Variants in ZNF519 observed in about 807,000 individuals in gnomAD.
ZNF519 encodes similar to Zinc finger protein 85 (Zinc finger protein HPF4) (HTF1).
In ZNF519, 7 loss-of-function variants were observed where a neutral mutation model predicts 7.4. The ratio of observed to expected loss-of-function variants is 0.94; its 90% CI spans 0.54 to 1.77. ZNF519 has a LOEUF of 1.77. Among genes scored for constraint, ZNF519 ranks in the 40% most tolerant of loss-of-function variants. ZNF519 has a pLI of 0.00. For synonymous variants in ZNF519, 179 were observed against 203.3 expected (o/e 0.88, Z 1.02); for missense variants, 586 against 623.1 (o/e 0.94, Z 0.63).
chr18:14,116,833 C>T (rs2046248236), intron 2 of ZNF519, among the ~76,000 whole-genome samples: 1 of 151,934 alleles, frequency 6.6e-6, no homozygotes, highest in African/African-American at 2.4e-5. Flanking sequence ...AGGGTGAAAC[C>T]CTGTCTCTAC....
intron 2 of ZNF519, 104 bp downstream of exon 2, chr18:14,124,246 G>T: frequency 9.3e-7 from 1 of 1,077,584 alleles, no homozygotes; most frequent in Non-Finnish European, 1.3e-6. Flanking sequence ...GAAAAGAACT[G>T]AAATTAATTC....
chr18:14,113,874 T>G (rs916783424), intron 2 of ZNF519, among the ~76,000 whole-genome samples: 2 of 152,126 alleles, frequency 1.3e-5, no homozygotes, highest in Admixed American at 1.3e-4. Flanking sequence ...TCATTTTGAT[T>G]TGCATTTCTC....
chr18:14,080,770 A>T (rs2046067991), intron 3 of ZNF519, among the ~76,000 whole-genome samples: 1 of 152,212 alleles, frequency 6.6e-6, no homozygotes, highest in Non-Finnish European at 1.5e-5. Flanking sequence ...CAAAGCTTGG[A>T]AGCAGTCAAG....
rs1215774231 is a variant in ZNF519 at position 14,102,726 on chromosome 18, A to G, written c.*2191T>C. The G allele has an allele frequency of 2.0e-5, 3 of 152,152 alleles. No homozygotes were observed. Among genetic ancestry groups the G allele is most frequent in the Non-Finnish European group, 2.9e-5 (2 of 68,032 alleles). The allele number at this position is 152,152 out of a possible 1,614,324, so 9.4% of individuals were successfully genotyped here. On this transcript the variant is annotated 3_prime_UTR_variant, in exon 3 of 3. Coordinates refer to ENST00000590202, the MANE Select transcript of ZNF519 (RefSeq NM_145287.4). ...AAAACAACCTCACCTAAACTAATAT[A>G]CAACCAATTTTGTTAAGTTTAGCTT...
intron 3 of ZNF519, among the ~76,000 whole-genome samples, chr18:14,083,989 C>T (rs967033910): frequency 3.9e-5 from 6 of 152,148 alleles, no homozygotes; most frequent in African/African-American, 1.4e-4. Flanking sequence ...TGGGTATAGT[C>T]CTGCCCAGGA....
chr18:14,102,810 G>A lies in ZNF519; in HGVS notation c.*2107C>T, dbSNP rs2046168463. Reference sequence around the variant, plus strand: ...TATTTTAAAAATTCAATCCAAATTGGGGGAAAAAAGCTATATAGTGGTAAT... The same window carrying A: ...TATTTTAAAAATTCAATCCAAATTGAGGGAAAAAAGCTATATAGTGGTAAT... On this transcript the variant is annotated 3_prime_UTR_variant, in exon 3 of 3. Transcript: ENST00000590202. 6.6e-6 allele frequency: 1 copy of A among 151,638 alleles called. No individual in the cohort carries two copies. Among genetic ancestry groups the A allele is most frequent in the Non-Finnish European group, 1.5e-5 (1 of 67,930 alleles). The allele number at this position is 151,638 out of a possible 1,614,324, so 9.4% of individuals were successfully genotyped here. A position where few individuals can be genotyped will look rare whatever the true frequency, so the allele number is the denominator to read the frequency against.
At chr18:14,074,016 C>T (rs959650634), downstream of ZNF519, 1 of 152,184 alleles carries the variant, frequency 6.6e-6, no homozygotes, top group Non-Finnish European at 1.5e-5. Flanking sequence ...CTGCTCTGCT[C>T]ATTTGTGACT....
downstream of ZNF519, among the ~76,000 whole-genome samples, chr18:14,099,135 A>C (rs879390492): frequency 6.6e-6 from 1 of 150,724 alleles, no homozygotes. Flanking sequence ...AGGAAGCCTC[A>C]CCTCCCCTCT....
At chr18:14,110,061 A>C (rs1459389713) in intron 2 of ZNF519, among the ~76,000 whole-genome samples, 2 of 152,070 alleles carry the variant, frequency 1.3e-5, no homozygotes, top group Admixed American at 6.5e-5. Context: ...CTTAACTAAT[A>C]ATCAACAAGG....
rs2046172338 is a variant in ZNF519 at position 14,103,521 on chromosome 18, G to C, written c.*1396C>G. The C allele has an allele frequency of 6.6e-6, 1 of 152,044 alleles. No homozygotes were observed. Among genetic ancestry groups the C allele is most frequent in the Non-Finnish European group, 1.5e-5 (1 of 67,962 alleles). The allele number at this position is 152,044 out of a possible 1,614,324, so 9.4% of individuals were successfully genotyped here. On this transcript the variant is annotated 3_prime_UTR_variant, in exon 3 of 3. Transcript: ENST00000590202. ...GAAGTTATGACATATCGAAACATGA[G>C]ATGCAGCAAACTGTTCAGAGAAATT...
At chr18:14,114,214 C>T (rs185187650) in intron 2 of ZNF519, among the ~76,000 whole-genome samples, 7 of 152,246 alleles carry the variant, frequency 4.6e-5, no homozygotes, top group African/African-American at 1.4e-4. Flanking sequence ...ATCTTTACCC[C>T]ATTTAATTTC....
chr18:14,091,119 T>C (rs2046112775), intron 2 of ZNF519: 1 of 152,184 alleles, frequency 6.6e-6, no homozygotes, highest in Non-Finnish European at 1.5e-5. Context: ...ATGCTTAATA[T>C]ATTTATTTGG....
intron 1 of ZNF519, among the ~76,000 whole-genome samples, chr18:14,125,269 T>C (rs1348634342): frequency 6.6e-6 from 1 of 152,212 alleles, no homozygotes; most frequent in African/African-American, 2.4e-5. Context: ...AGGCAGGAGA[T>C]AATGGCAATG....
At chr18:14,095,430 C>T (rs914135245), downstream of ZNF519, among the ~76,000 whole-genome samples, 2 of 152,194 alleles carry the variant, frequency 1.3e-5, no homozygotes, top group African/African-American at 2.4e-5. Flanking sequence ...TGTTTGTGGC[C>T]GCTGCAGTCA....
At chr18:14,126,192 C>A (rs1365459899) in intron 1 of ZNF519, among the ~76,000 whole-genome samples, 1 of 152,082 alleles carries the variant, frequency 6.6e-6, no homozygotes, top group African/African-American at 2.4e-5. Context: ...GGTGGATCTG[C>A]GCAGGGTTGG....
chr18:14,085,879 T>G (rs2046088410), intron 2 of ZNF519, among the ~76,000 whole-genome samples: 1 of 152,212 alleles, frequency 6.6e-6, no homozygotes, highest in Non-Finnish European at 1.5e-5. Flanking sequence ...TCTCATGTTC[T>G]GACCTGCACC....
In ZNF519 at chr18:14,100,117, T is replaced by C. The variant is rs2046153271; in HGVS notation, c.*4800A>G. On this transcript the variant is annotated 3_prime_UTR_variant, in exon 3 of 3. Transcript: ENST00000590202. ...TGAGAACATTAAATAAAGTTCAACA[T>C]TATTATCCTTTAGAAAAATGTACAT... 1 of 152,146 alleles carries C rather than the reference T, an allele frequency of 6.6e-6. No homozygotes were observed. Among genetic ancestry groups the C allele is most frequent in the African/African-American group, 2.4e-5 (1 of 41,434 alleles). The allele number at this position is 152,146 out of a possible 1,614,324, so 9.4% of individuals were successfully genotyped here. A position where few individuals can be genotyped will look rare whatever the true frequency, so the allele number is the denominator to read the frequency against.
At chr18:14,117,175 G>GA (rs912388531) in intron 2 of ZNF519, among the ~76,000 whole-genome samples, 22 of 151,094 alleles carry the variant, frequency 1.5e-4, no homozygotes, top group African/African-American at 4.6e-4. Context: ...AGCAGAAGAA[G>GA]AAAAAAAAAT....
chr18:14,106,085 G>C lies in ZNF519; in HGVS notation c.455C>G (p.Ser152Cys). The change falls in exon 3 of 3, where the codon TCT becomes TGT. Residue 152 changes from serine (S) to cysteine (C), a missense_variant. Physicochemically the swap from Ser to Cys is moderately radical, Grantham distance 112. Coordinates refer to ENST00000590202, the MANE Select transcript of ZNF519 (RefSeq NM_145287.4). Reference protein sequence around the residue: ...MNKYQHKFLKSVFCNKNQINF... With the variant: ...MNKYQHKFLKCVFCNKNQINF... ...TATCTGATTTTTATTACAAAAGACA[G>C]ATTTCAAAAATTTATGTTGATATTT... 1 of 1,605,474 alleles carries C rather than the reference G, an allele frequency of 6.2e-7. No individual in the cohort carries two copies. Among genetic ancestry groups the C allele is most frequent in the Non-Finnish European group, 8.5e-7 (1 of 1,177,362 alleles).
Sources: gnomAD v4.1 joint callset for allele counts (sites outside exome capture counted in the v4.1 genomes callset) on GRCh38, gnomAD v4.1.1 for gene constraint, MANE v1.5 for transcripts, NCBI Gene and HGNC (gene_info 2026-07-23, HGNC 2026-07-21) for gene names.